GSTCD: variants seen among roughly 807,000 people sequenced by gnomAD.
GSTCD encodes the protein glutathione S-transferase C-terminal domain containing, also known as glutathione S-transferase C-terminal domain-containing protein.
GSTCD carries 44 observed loss-of-function variants against 68.3 expected under a neutral mutation model. The observed-to-expected ratio is 0.64, with a 90% CI of 0.51 to 0.83. GSTCD has a LOEUF of 0.83. Among genes scored for constraint, GSTCD ranks in the 40% least tolerant of loss-of-function variants. The probability of loss-of-function intolerance (pLI) is 0.00; values close to 1 mark genes in which losing one functional copy is unlikely to be tolerated. For missense variants in GSTCD, 739 were observed against 735.9 expected (o/e 1.00, Z -0.05); for synonymous variants, 273 against 255.2 (o/e 1.07, Z -0.67).
At chr4:105,815,314 G>T in intron 5 of GSTCD, 1 of 152,060 alleles carries the variant, frequency 6.6e-6, no homozygotes, top group East Asian at 1.9e-4. Flanking sequence ...ATTGGAAGCT[G>T]CCAGAAAAGA....
At chr4:105,735,091 C>T (rs1331098195) in intron 5 of GSTCD, among the ~76,000 whole-genome samples, 3 of 152,216 alleles carry the variant, frequency 2.0e-5, no homozygotes, top group Non-Finnish European at 4.4e-5. Flanking sequence ...TCTGCCCCTA[C>T]TGGGGAGTGC....
intron 5 of GSTCD, among the ~76,000 whole-genome samples, chr4:105,810,509 G>T (rs1447226582): frequency 6.6e-6 from 1 of 151,932 alleles, no homozygotes; most frequent in Non-Finnish European, 1.5e-5. Flanking sequence ...TTTTTACTGG[G>T]TATCCAGAAA....
chr4:105,725,510 G>A (rs1733002065), intron 3 of GSTCD, among the ~76,000 whole-genome samples: 1 of 152,198 alleles, frequency 6.6e-6, no homozygotes, highest in Admixed American at 6.5e-5. Context: ...AGTTGTCAGT[G>A]TTTTGGGTTT....
chr4:105,752,719 A>G (rs965104520), intron 5 of GSTCD, among the ~76,000 whole-genome samples: 1 of 152,092 alleles, frequency 6.6e-6, no homozygotes, highest in African/African-American at 2.4e-5. Context: ...TTTATTTTAG[A>G]AATATTATGA....
In GSTCD at chr4:105,719,345, G is replaced by C; in HGVS notation, c.712G>C (p.Glu238Gln). The change falls in exon 3 of 12, where the codon GAA (glutamate) becomes CAA (glutamine). Residue 238 changes from glutamate (E) to glutamine (Q), a missense_variant. By Grantham distance (29) the Glu-to-Gln change is conservative. Coordinates refer to ENST00000515279, the MANE Select transcript of GSTCD (RefSeq NM_001370181.1). ...EGLDSSSKSL[E>Q]LKVAFSKLTV... ...GTTGGATTCTTCATCCAAGAGTCTGGAACTGAAAGTGGCATTCTCAAAGCT... is the reference window on the plus strand; with the variant it reads ...GTTGGATTCTTCATCCAAGAGTCTGCAACTGAAAGTGGCATTCTCAAAGCT... 1 of 1,614,128 alleles carries C rather than the reference G, an allele frequency of 6.2e-7. No individual in the cohort carries two copies. The highest frequency in any genetic ancestry group is 1.1e-5 in the South Asian group (1 of 91,088).
chr4:105,789,916 G>T (rs1368408706), intron 5 of GSTCD, among the ~76,000 whole-genome samples: 2 of 150,732 alleles, frequency 1.3e-5, no homozygotes, highest in African/African-American at 2.5e-5. Context: ...TTGTTCTTTT[G>T]AATTTTCTCT....
chr4:105,761,570 A>G (rs971598810), intron 5 of GSTCD: 2 of 152,110 alleles, frequency 1.3e-5, no homozygotes, highest in Non-Finnish European at 2.9e-5. Context: ...GCACACCTTT[A>G]TTTGACTCTG....
intron 3 of GSTCD, among the ~76,000 whole-genome samples, chr4:105,719,986 G>C (rs1489340792): frequency 6.6e-6 from 1 of 151,612 alleles, no homozygotes; most frequent in African/African-American, 2.4e-5. Flanking sequence ...ATTTTATAAT[G>C]AATTGTTAGT....
chr4:105,823,375 C>T, intron 7 of GSTCD, 100 bp downstream of exon 7: 1 of 930,700 alleles, frequency 1.1e-6, no homozygotes, highest in Non-Finnish European at 1.7e-6. Context: ...AGTCACTCAC[C>T]CAAGTCAAAT....
chr4:105,846,594 G>C lies in GSTCD; in HGVS notation c.*1017G>C, dbSNP rs2149291645. 1 of 151,496 alleles carries C rather than the reference G, an allele frequency of 6.6e-6. No individual in the cohort carries two copies. Among genetic ancestry groups the C allele is most frequent in the South Asian group, 2.1e-4 (1 of 4,792 alleles). 9.4% of individuals were successfully genotyped at this position (151,496 alleles called of 1,614,324 possible). A position where few individuals can be genotyped will look rare whatever the true frequency, so the allele number is the denominator to read the frequency against. ...CCTAGTTTCTTTTCAATTCAAAGAT[G>C]AGTTGCAAAAGACATAATGTTTTGC... On this transcript the variant is annotated 3_prime_UTR_variant, in exon 12 of 12. Transcript: ENST00000515279.
Position 105,719,468 on chromosome 4 carries a change from G to C in GSTCD, c.835G>C (p.Glu279Gln), listed in dbSNP as rs1376501790. The C allele has an allele frequency of 6.8e-6, 11 of 1,613,970 alleles. No homozygotes were observed. The highest frequency in any genetic ancestry group is 1.7e-5 in the Admixed American group (1 of 59,968). The change falls in exon 3 of 12, where the codon GAA becomes CAA. Residue 279 changes from glutamate (E) to glutamine (Q), a missense_variant. Physicochemically the swap from Glu to Gln is conservative, Grantham distance 29 (BLOSUM62 2). Transcript: ENST00000515279. ...TCCACCTCTGGAGCATGTGTTTGCA[G>C]AAGGGCTTTACTTCACTCTGGCAGA... is the stretch of plus-strand genomic sequence containing the variant. ...DLPPLEHVFAEGLYFTLADIV... is the reference protein window; with the variant it reads ...DLPPLEHVFAQGLYFTLADIV...
chr4:105,777,381 G>A (rs1735113404), intron 5 of GSTCD, among the ~76,000 whole-genome samples: 1 of 152,100 alleles, frequency 6.6e-6, no homozygotes, highest in South Asian at 2.1e-4. Context: ...TATTTCTCAT[G>A]TACGTCCTCA....
At chr4:105,771,057 C>A (rs532771351) in intron 5 of GSTCD, among the ~76,000 whole-genome samples, 3 of 152,076 alleles carry the variant, frequency 2.0e-5, no homozygotes, top group African/African-American at 7.2e-5. Flanking sequence ...TTTTAATGAT[C>A]GCCATTCTAA....
At chr4:105,730,939 G>C (rs1372936039) in intron 5 of GSTCD, among the ~76,000 whole-genome samples, 3 of 152,056 alleles carry the variant, frequency 2.0e-5, no homozygotes, top group African/African-American at 4.8e-5. Flanking sequence ...GGAAGGGATC[G>C]AGTTTCAGCT....
At chr4:105,837,634 CAG>C (rs750098353) in intron 9 of GSTCD, among the ~76,000 whole-genome samples, 114 of 152,312 alleles carry the variant, frequency 7.5e-4, no homozygotes, top group Non-Finnish European at 1.5e-3. Context: ...GCTTCTCTAA[CAG>C]TGTAAACAAT....
Position 105,847,165 on chromosome 4 carries a change from T to C in GSTCD, c.*1588T>C, listed in dbSNP as rs1724580799. 1 of 152,212 alleles carries C rather than the reference T, an allele frequency of 6.6e-6. No homozygotes were observed. Among genetic ancestry groups the C allele is most frequent in the South Asian group, 2.1e-4 (1 of 4,826 alleles). 9.4% of individuals were successfully genotyped at this position (152,212 alleles called of 1,614,324 possible). Reference sequence around the variant, plus strand: ...TCAATGCTGCTAATTCTTTAAATTTTACATGTCCCAATTTATTCCATTTGA... The same window carrying C: ...TCAATGCTGCTAATTCTTTAAATTTCACATGTCCCAATTTATTCCATTTGA... On this transcript the variant is annotated 3_prime_UTR_variant, in exon 12 of 12. Transcript: ENST00000515279.
intron 1 of GSTCD, 51 bp from the exon 2 acceptor site, chr4:105,717,542 C>G: frequency 9.1e-7 from 1 of 1,102,450 alleles, no homozygotes; most frequent in South Asian, 1.8e-5. Context: ...TTTATTTTAG[C>G]TTCTAAATGA....
chr4:105,743,157 A>G (rs553463094), intron 5 of GSTCD, among the ~76,000 whole-genome samples: 18 of 151,996 alleles, frequency 1.2e-4, no homozygotes, highest in South Asian at 2.1e-4. Flanking sequence ...TCACCATGTT[A>G]GCCAGGATGG....
intron 5 of GSTCD, among the ~76,000 whole-genome samples, chr4:105,808,204 C>T (rs1324245818): frequency 6.6e-6 from 1 of 151,992 alleles, no homozygotes; most frequent in East Asian, 1.9e-4. Context: ...TAGAATAACC[C>T]CTTATCAGTC....
Sources: gnomAD v4.1 joint callset for allele counts (sites outside exome capture counted in the v4.1 genomes callset) on GRCh38, gnomAD v4.1.1 for gene constraint, MANE v1.5 for transcripts, NCBI Gene and HGNC (gene_info 2026-07-23, HGNC 2026-07-21) for gene names.